Variants in LDB3 observed in about 807,000 individuals in gnomAD.
LDB3 encodes LIM domain binding 3.
A neutral mutation model predicts 69.0 loss-of-function variants in LDB3; 49 were observed. That is an observed-to-expected ratio of 0.71 (90% CI 0.56 to 0.90). The LOEUF (loss-of-function observed/expected upper bound fraction) is 0.90, where lower values mean the gene tolerates loss of function less well. Among genes scored for constraint, LDB3 ranks in the 40% least tolerant of loss-of-function variants. The pLI, the probability that LDB3 is intolerant of heterozygous loss-of-function variation, is 0.00. For synonymous variants in LDB3, 387 were observed against 396.2 expected (o/e 0.98, Z 0.28); for missense variants, 928 against 974.1 (o/e 0.95, Z 0.63).
At chr10:86,672,676 C>A (rs959728904) in intron 2 of LDB3, among the ~76,000 whole-genome samples, 9 of 152,360 alleles carry the variant, frequency 5.9e-5, no homozygotes, top group South Asian at 2.1e-4. Context: ...CAGAGGCTCA[C>A]AGCTGGGGAA....
Position 86,726,265 on chromosome 10 carries a change from C to T in LDB3, c.2094+13C>T, listed in dbSNP as rs1483446498. 4 of 1,607,146 alleles carry T rather than the reference C, an allele frequency of 2.5e-6. No individual in the cohort carries two copies. Among genetic ancestry groups the T allele is most frequent in the Non-Finnish European group, 3.4e-6 (4 of 1,173,838 alleles). On this transcript the variant is annotated intron_variant, in intron 13 of 13. Coordinates refer to ENST00000361373, the MANE Select transcript of LDB3 (RefSeq NM_007078.3). ...CTTCATTTGCGCAGTATGTCTCTAG[C>T]TTGGGGCTCTGGCTTTCTGAGAAGA...
intron 13 of LDB3, among the ~76,000 whole-genome samples, chr10:86,728,788 G>A (rs1352769100): frequency 6.6e-6 from 1 of 151,806 alleles, no homozygotes; most frequent in Non-Finnish European, 1.5e-5. Context: ...CACCATCTTG[G>A]CCAGGCTGGT....
intron 5 of LDB3, chr10:86,685,752 G>A (rs373053787): frequency 5.0e-5 from 79 of 1,595,672 alleles, no homozygotes; most frequent in Non-Finnish European, 6.6e-5. Context: ...GCCCCAGCAT[G>A]TGTCTGCGTG....
At chr10:86,667,534 GC>G (rs1453981607), upstream of LDB3, among the ~76,000 whole-genome samples, 1 of 152,206 alleles carries the variant, frequency 6.6e-6, no homozygotes, top group African/African-American at 2.4e-5. Flanking sequence ...TGCCACACGT[GC>G]TTCCCCCTCC....
chr10:86,673,709 C>A (rs933127828), intron 2 of LDB3, among the ~76,000 whole-genome samples: 1 of 152,164 alleles, frequency 6.6e-6, no homozygotes, highest in African/African-American at 2.4e-5. Flanking sequence ...AGGCAGGCAG[C>A]CTGGGAGTGT....
At chr10:86,677,828 T>C (rs1844884639) in intron 2 of LDB3, among the ~76,000 whole-genome samples, 2 of 152,176 alleles carry the variant, frequency 1.3e-5, no homozygotes, top group Non-Finnish European at 2.9e-5. Flanking sequence ...TCTCTCCACA[T>C]CTGCCAGGTA....
chr10:86,666,986 G>C (rs1432576104), upstream of LDB3: 6 of 392,014 alleles, frequency 1.5e-5, no homozygotes, highest in Non-Finnish European at 3.1e-5. Context: ...GCTGGAGTTA[G>C]GGATGAATGA....
chr10:86,710,064 C>G lies in LDB3; in HGVS notation c.1231+14C>G, dbSNP rs1846586366. 1.9e-6 allele frequency: 3 copies of G among 1,611,758 alleles called. No homozygotes were observed. Among genetic ancestry groups the G allele is most frequent in the Admixed American group, 1.7e-5 (1 of 59,940 alleles). On this transcript the variant is annotated intron_variant, in intron 9 of 13. Coordinates refer to ENST00000361373, the MANE Select transcript of LDB3 (RefSeq NM_007078.3). ...TCTACCAGCCAGGTAAGAGGCAGAG[C>G]AGGAGGGGAGGCTGTCGAAAGCCAT...
At chr10:86,698,603 T>C (rs1285231439) in intron 7 of LDB3, among the ~76,000 whole-genome samples, 1 of 152,234 alleles carries the variant, frequency 6.6e-6, no homozygotes, top group Non-Finnish European at 1.5e-5. Flanking sequence ...TGGTGGGAAG[T>C]GGCCAGAAGT....
intron 2 of LDB3, among the ~76,000 whole-genome samples, chr10:86,678,108 T>C (rs1265065740): frequency 6.6e-6 from 1 of 152,100 alleles, no homozygotes; most frequent in African/African-American, 2.4e-5. Flanking sequence ...TAATCTTAGC[T>C]CACTACAACC....
chr10:86,714,284 A>G (rs6586024), intron 9 of LDB3, among the ~76,000 whole-genome samples: 7,020 of 152,252 alleles, frequency 0.046, 327 homozygotes, highest in African/African-American at 0.12. Flanking sequence ...AAGACTCCAC[A>G]GCAGGGGGTC....
intron 5 of LDB3, among the ~76,000 whole-genome samples, chr10:86,691,113 C>T (rs72848117): frequency 0.028 from 4,338 of 152,274 alleles, 94 homozygotes; most frequent in Middle Eastern, 0.082. Context: ...GGCACTGGAC[C>T]CGAGGGGCTC....
intron 9 of LDB3, among the ~76,000 whole-genome samples, chr10:86,714,864 T>C (rs984034909): frequency 5.3e-5 from 8 of 152,172 alleles, no homozygotes; most frequent in Non-Finnish European, 1.2e-4. Flanking sequence ...ACCGGTATTA[T>C]CTTTTGAAGG....
chr10:86,675,215 G>C (rs367639830), intron 2 of LDB3, among the ~76,000 whole-genome samples: 3 of 152,188 alleles, frequency 2.0e-5, no homozygotes, highest in Non-Finnish European at 4.4e-5. Context: ...GGATGAGGGA[G>C]AGCCAGGCAG....
intron 7 of LDB3, among the ~76,000 whole-genome samples, chr10:86,704,273 G>T (rs1406047154): frequency 6.6e-6 from 1 of 152,172 alleles, no homozygotes; most frequent in African/African-American, 2.4e-5. Flanking sequence ...GAGGCCCCAA[G>T]CCCTTTTTTG....
intron 7 of LDB3, among the ~76,000 whole-genome samples, chr10:86,702,052 C>T (rs748900078): frequency 1.2e-4 from 19 of 152,302 alleles, no homozygotes; most frequent in East Asian, 3.9e-4. Flanking sequence ...GCTCAGGGTT[C>T]CCCTGAGCCA....
chr10:86,692,073 C>G lies in LDB3; in HGVS notation c.859+8C>G. 6.2e-7 allele frequency: 1 copy of G among 1,613,884 alleles called. No homozygotes were observed. The highest frequency in any genetic ancestry group is 8.5e-7 in the Non-Finnish European group (1 of 1,180,012). On this transcript the variant is annotated splice_region_variant and intron_variant, in intron 6 of 13. Transcript: ENST00000361373. ...TGACGGGGACAGAATTCAGTGAGTG[C>G]AGGCTCTCAGGGTGGCTGCAGAGGA...
chr10:86,711,766 G>GCGC (rs1846677403), intron 9 of LDB3, among the ~76,000 whole-genome samples: 1 of 149,828 alleles, frequency 6.7e-6, no homozygotes, highest in Non-Finnish European at 1.5e-5. Flanking sequence ...GGGAGGGGGC[G>GCGC]GGCGGCGGCG....
chr10:86,707,017 CTCTT>C (rs1190391246), intron 8 of LDB3, among the ~76,000 whole-genome samples: 2 of 152,082 alleles, frequency 1.3e-5, no homozygotes, highest in African/African-American at 2.4e-5. Context: ...CAGTCTCTCT[CTCTT>C]TCTCACAGAC....
Sources: allele counts gnomAD v4.1 joint callset (sites outside exome capture counted in the v4.1 genomes callset), GRCh38; gene constraint gnomAD v4.1.1; transcripts MANE v1.5; gene names NCBI Gene and HGNC (gene_info 2026-07-23, HGNC 2026-07-21).